SYCE1: variants seen among roughly 807,000 people sequenced by gnomAD.
SYCE1 encodes the protein synaptonemal complex central element protein 1.
In SYCE1, 37 loss-of-function variants were observed where a neutral mutation model predicts 55.1. The observed-to-expected ratio is 0.67, with a 90% CI of 0.52 to 0.88. The LOEUF is 0.88. Among genes scored for constraint, SYCE1 ranks in the 40% least tolerant of loss-of-function variants. The pLI, the probability that SYCE1 is intolerant of heterozygous loss-of-function variation, is 0.00. For missense variants in SYCE1, 399 were observed against 416.4 expected, an observed-to-expected ratio of 0.96 and a Z score of 0.36; for synonymous variants, 163 against 159.4, an observed-to-expected ratio of 1.02 and a Z score of -0.17.
intron 1 of SYCE1, among the ~76,000 whole-genome samples, chr10:133,565,014 G>A (rs1337815609): frequency 6.6e-5 from 10 of 152,156 alleles, no homozygotes; most frequent in African/African-American, 1.2e-4. Flanking sequence ...CCGGCTCCCC[G>A]GGGCGTCGGG....
rs1300118726 is a variant in SYCE1, at chr10:133,556,761, G to A, written c.526C>T (p.His176Tyr). The part of the protein sequence containing the change: ...MGQHKDLWDF[H>Y]MPERLAKEIC... ...AGGAGTGGCTTTGAGGGACTCACGT[G>A]GAAGTCCCAGAGGTCCTTGTGCTGG... The change falls in exon 8 of 13, where the codon CAC (histidine) becomes TAC (tyrosine). Residue 176 changes from histidine to tyrosine, a missense_variant and splice_region_variant. His to Tyr is a moderately conservative substitution (Grantham distance 83). Coordinates refer to ENST00000343131, the MANE Select transcript of SYCE1 (RefSeq NM_001143764.3). 1.3e-6 allele frequency: 2 copies of A among 1,563,334 alleles called. No homozygotes were observed. The highest frequency in any genetic ancestry group is 1.4e-5 in the African/African-American group (1 of 73,576).
At chr10:133,560,231 G>A (rs1278368375) in intron 1 of SYCE1, 78 bp from the exon 2 acceptor site, 3 of 1,305,494 alleles carry the variant, frequency 2.3e-6, no homozygotes, top group Non-Finnish European at 3.3e-6. Flanking sequence ...GGCAGGCTGA[G>A]GGCAGGTCTC....
chr10:133,564,926 C>A (rs1851890840), intron 1 of SYCE1, among the ~76,000 whole-genome samples: 1 of 152,198 alleles, frequency 6.6e-6, no homozygotes, highest in Non-Finnish European at 1.5e-5. Context: ...CCTCCCTTCC[C>A]AGGGTGAGGT....
chr10:133,558,312 G>A lies in SYCE1; in HGVS notation c.272-98C>T. 5 of 1,384,654 alleles carry A rather than the reference G, an allele frequency of 3.6e-6. No homozygotes were observed. The East Asian group carries it at 9.2e-5, about 25-fold the overall frequency. The allele number at this position is 1,384,654 out of a possible 1,614,324, so 85.8% of individuals were successfully genotyped here. A position where few individuals can be genotyped will look rare whatever the true frequency, so the allele number is the denominator to read the frequency against. On this transcript the variant is annotated intron_variant, in intron 4 of 12. Transcript: ENST00000343131. Reference sequence around the variant, plus strand: ...CACATGGGAAGCTGGGCACAGCCTTGGCCCCAACCCAAATGTGAACCCTTG... The same window carrying A: ...CACATGGGAAGCTGGGCACAGCCTTAGCCCCAACCCAAATGTGAACCCTTG...
chr10:133,566,250 C>T (rs73389014), upstream of SYCE1, among the ~76,000 whole-genome samples: 2 of 152,184 alleles, frequency 1.3e-5, no homozygotes, highest in Non-Finnish European at 2.9e-5. Flanking sequence ...CAGGGGAGGC[C>T]GCGATGCATC....
Position 133,554,884 on chromosome 10 carries a change from A to G in SYCE1, c.*108T>C, listed in dbSNP as rs1354760192. The G allele has an allele frequency of 3.4e-6, 5 of 1,458,040 alleles. No individual in the cohort carries two copies. In the African/African-American group the frequency reaches 5.7e-5, roughly 17 times the overall value. The allele number at this position is 1,458,040 out of a possible 1,614,324, so 90.3% of individuals were successfully genotyped here. ...AGCATTTATTGAAAACCTGTGATGTACCTCTGGCCCAGACCAAGAGGCAGA... is the reference window on the plus strand; with the variant it reads ...AGCATTTATTGAAAACCTGTGATGTGCCTCTGGCCCAGACCAAGAGGCAGA... On this transcript the variant is annotated 3_prime_UTR_variant, in exon 13 of 13. Coordinates refer to ENST00000343131, the MANE Select transcript of SYCE1 (RefSeq NM_001143764.3).
intron 7 of SYCE1, 82 bp downstream of exon 7, chr10:133,556,985 C>T: frequency 6.6e-7 from 1 of 1,510,142 alleles, no homozygotes; most frequent in Non-Finnish European, 9.2e-7. Flanking sequence ...CTCAGTGTAG[C>T]CAGCTTTTCT....
At chr10:133,561,698 A>G (rs1389729029) in intron 1 of SYCE1, among the ~76,000 whole-genome samples, 1 of 152,172 alleles carries the variant, frequency 6.6e-6, no homozygotes, top group Non-Finnish European at 1.5e-5. Context: ...TTTCCTTATC[A>G]TTAGAGTGTC....
intron 11 of SYCE1, 21 bp from the exon 12 acceptor site, chr10:133,555,459 T>TG (rs1564854874): frequency 3.1e-6 from 5 of 1,613,168 alleles, no homozygotes; most frequent in African/African-American, 1.3e-5. Context: ...AGAGGTAGGA[T>TG]GGGGGAAGGA....
Position 133,556,131 on chromosome 10 carries a change from T to C in SYCE1, c.529-84A>G, listed in dbSNP as rs1002256007. ...AGGCTATCTGGATCTTGTTTCATAC[T>C]TACTCACTATGCCTCACTTCCAACA... On this transcript the variant is annotated intron_variant, in intron 8 of 12. Coordinates refer to ENST00000343131, the MANE Select transcript of SYCE1 (RefSeq NM_001143764.3). 4 of 1,502,908 alleles carry C rather than the reference T, an allele frequency of 2.7e-6. No individual in the cohort carries two copies. The African/African-American group carries it at 5.5e-5, about 21-fold the overall frequency. 93.1% of individuals were successfully genotyped at this position (1,502,908 alleles called of 1,614,324 possible). A position where few individuals can be genotyped will look rare whatever the true frequency, so the allele number is the denominator to read the frequency against.
chr10:133,558,774 A>G (rs1851749740), intron 4 of SYCE1, 103 bp downstream of exon 4: 3 of 1,133,964 alleles, frequency 2.6e-6, no homozygotes, highest in Admixed American at 4.3e-5. Flanking sequence ...TAGAGAGGGT[A>G]CAGGACCCTT....
intron 2 of SYCE1, chr10:133,559,750 G>C: frequency 2.5e-6 from 1 of 403,116 alleles, no homozygotes; most frequent in East Asian, 5.2e-5. Context: ...GAACATGGCT[G>C]GCAGGAGCCT....
In SYCE1 at chr10:133,554,881, T is replaced by G. The variant is rs1851613320; in HGVS notation, c.*111A>C. 1 of 1,458,104 alleles carries G rather than the reference T, an allele frequency of 6.9e-7. No individual in the cohort carries two copies. The allele number at this position is 1,458,104 out of a possible 1,614,324, so 90.3% of individuals were successfully genotyped here. ...GGAAGCATTTATTGAAAACCTGTGA[T>G]GTACCTCTGGCCCAGACCAAGAGGC... On this transcript the variant is annotated 3_prime_UTR_variant, in exon 13 of 13. Coordinates refer to ENST00000343131, the MANE Select transcript of SYCE1 (RefSeq NM_001143764.3).
chr10:133,555,238 C>T, intron 12 of SYCE1, 109 bp from the exon 13 acceptor site: 1 of 1,560,578 alleles, frequency 6.4e-7, no homozygotes, highest in South Asian at 1.2e-5. Context: ...GAAAGGCCCT[C>T]CCCATAGACC....
At chr10:133,561,954 G>A (rs1427452074) in intron 1 of SYCE1, among the ~76,000 whole-genome samples, 1 of 152,046 alleles carries the variant, frequency 6.6e-6, no homozygotes, top group African/African-American at 2.4e-5. Flanking sequence ...AAAAGGGGGG[G>A]AAGATTTTTG....
intron 1 of SYCE1, among the ~76,000 whole-genome samples, chr10:133,562,074 G>C (rs988044546): frequency 1.3e-5 from 2 of 152,084 alleles, no homozygotes; most frequent in African/African-American, 2.4e-5. Context: ...CATAGCTAAG[G>C]TTCTGTCTTC....
intron 7 of SYCE1, 88 bp downstream of exon 7, chr10:133,556,979 G>A: frequency 6.7e-7 from 1 of 1,498,110 alleles, no homozygotes; most frequent in Non-Finnish European, 9.3e-7. Flanking sequence ...CCATGGCTCA[G>A]TGTAGCCAGC....
downstream of SYCE1, chr10:133,554,566 C>T: frequency 1.5e-6 from 1 of 658,668 alleles, no homozygotes; most frequent in African/African-American, 1.8e-5. Context: ...AGAGCACAAA[C>T]TACACAGCTA....
chr10:133,556,570 TC>T, intron 8 of SYCE1, 188 bp downstream of exon 8: 1 of 646,006 alleles, frequency 1.5e-6, no homozygotes. Context: ...TCATCAGAGA[TC>T]CCCCTGACCA....
Sources: allele counts gnomAD v4.1 joint callset (sites outside exome capture counted in the v4.1 genomes callset), GRCh38; gene constraint gnomAD v4.1.1; transcripts MANE v1.5; gene names NCBI Gene and HGNC (gene_info 2026-07-23, HGNC 2026-07-21).